NME9: variants seen among roughly 807,000 people sequenced by gnomAD.
NME9 encodes the protein thioredoxin domain-containing protein 6.
In NME9, 48 loss-of-function variants were observed where a neutral mutation model predicts 44.4. That is an observed-to-expected ratio of 1.08 (90% confidence interval 0.86 to 1.37). NME9 has a LOEUF of 1.37. NME9 is among the 40% of genes most tolerant of loss of function. The pLI is 0.00. For synonymous variants in NME9, 139 were observed against 147.1 expected (o/e 0.94, Z 0.40); for missense variants, 325 against 405.2 (o/e 0.80, Z 1.70).
At chr3:138,295,893 T>C in intron 8 of NME9, 1 of 1,613,650 alleles carries the variant, frequency 6.2e-7, no homozygotes, top group Non-Finnish European at 8.5e-7. Flanking sequence ...CCTGGCATGA[T>C]GGGAGTGCCC....
At chr3:138,327,054 G>T (rs2053840594) in intron 1 of NME9, 1 of 150,064 alleles carries the variant, frequency 6.7e-6, no homozygotes, top group South Asian at 2.1e-4. Context: ...TACTCGGGAG[G>T]CTGAGACATG....
At chr3:138,273,232 C>G (rs948342693) in intron 8 of NME9, 25 of 1,115,244 alleles carry the variant, frequency 2.2e-5, no homozygotes, top group Non-Finnish European at 3.0e-5. Flanking sequence ...CAAATGCTGC[C>G]CCCTTCCAAA....
chr3:138,284,389 CT>C (rs763205943), intron 8 of NME9: 2 of 1,507,706 alleles, frequency 1.3e-6, no homozygotes, highest in Non-Finnish European at 1.8e-6. Context: ...GACTCTGGGA[CT>C]TCAGAGCTTT....
At chr3:138,273,304 A>G (rs896886312) in intron 8 of NME9, among the ~76,000 whole-genome samples, 12 of 152,162 alleles carry the variant, frequency 7.9e-5, no homozygotes, top group Admixed American at 4.6e-4. Flanking sequence ...CTGCTTCACC[A>G]TATCACCCCC....
At chr3:138,274,966 C>T (rs1446762635) in intron 8 of NME9, among the ~76,000 whole-genome samples, 3 of 152,184 alleles carry the variant, frequency 2.0e-5, no homozygotes, top group Admixed American at 6.5e-5. Context: ...AGATAGTTTT[C>T]ATTTCTTTTC....
At chr3:138,295,928 T>A in intron 8 of NME9, 1 of 1,610,148 alleles carries the variant, frequency 6.2e-7, no homozygotes, top group East Asian at 2.2e-5. Context: ...GCATCCCACC[T>A]CCTTGTTTAA....
intron 8 of NME9, among the ~76,000 whole-genome samples, chr3:138,293,594 C>T (rs1017809560): frequency 1.3e-5 from 2 of 151,972 alleles, no homozygotes; most frequent in Non-Finnish European, 2.9e-5. Flanking sequence ...GGCTGCTGGT[C>T]AGATGAGTGT....
At chr3:138,299,128 C>T (rs1376089556), downstream of NME9, among the ~76,000 whole-genome samples, 1 of 152,154 alleles carries the variant, frequency 6.6e-6, no homozygotes, top group Non-Finnish European at 1.5e-5. Context: ...GTGCTGTCCC[C>T]ATCCTGCCCC....
At chr3:138,267,841 T>C (rs1157537048) in intron 8 of NME9, among the ~76,000 whole-genome samples, 1 of 152,250 alleles carries the variant, frequency 6.6e-6, no homozygotes, top group African/African-American at 2.4e-5. Flanking sequence ...TGCCCAATTA[T>C]GAACTCAGGT....
rs147542980 is a variant in NME9, at chr3:138,314,279, T to C, written c.460+53A>G. 1,578 of 1,071,478 alleles carry C rather than the reference T, an allele frequency of 1.5e-3. 45 individuals carry two copies. The Admixed American group carries it at 0.033, about 22-fold the overall frequency. 66.4% of individuals were successfully genotyped at this position (1,071,478 alleles called of 1,614,324 possible). On this transcript the variant is annotated intron_variant, in intron 6 of 10. Transcript: ENST00000333911. ...AATACTCATCTATTTTAAACATATA[T>C]AAAATCTGAGTCTGCTTTGCTTTTT... is the stretch of plus-strand genomic sequence containing the variant.
Position 138,306,157 on chromosome 3 carries a change from T to A in NME9, c.544-61A>T, listed in dbSNP as rs578048196. 60 of 1,230,778 alleles carry A rather than the reference T, an allele frequency of 4.9e-5. No individual in the cohort carries two copies. In the South Asian group the frequency reaches 7.0e-4, roughly 14 times the overall value. 76.2% of individuals were successfully genotyped at this position (1,230,778 alleles called of 1,614,324 possible). A position where few individuals can be genotyped will look rare whatever the true frequency, so the allele number is the denominator to read the frequency against. ...TCAAGCCCAAATTCACATTGATTAA[T>A]TAATTTAGTTGAAAGGTAAAAAATA... On this transcript the variant is annotated intron_variant, in intron 7 of 10. Transcript: ENST00000333911.
At chr3:138,271,798 C>CTTTTTTTTTTTTTTTTTTTTTTTTTTTTT (rs776320900) in intron 8 of NME9, among the ~76,000 whole-genome samples, 5 of 136,132 alleles carry the variant, frequency 3.7e-5, no homozygotes, top group African/African-American at 1.4e-4. Context: ...TTTTTTCTTT[C>CTTTTTTTTTTTTTTTTTTTTTTTTTTTTT]TTTTTTTTTT....
At chr3:138,282,003 G>A (rs941255969) in intron 8 of NME9, among the ~76,000 whole-genome samples, 1 of 152,184 alleles carries the variant, frequency 6.6e-6, no homozygotes, top group South Asian at 2.1e-4. Flanking sequence ...AAATGGTGGA[G>A]AGATGGAGAA....
At chr3:138,277,379 C>A (rs545472115) in intron 8 of NME9, among the ~76,000 whole-genome samples, 1 of 152,272 alleles carries the variant, frequency 6.6e-6, no homozygotes, top group South Asian at 2.1e-4. Flanking sequence ...TTAAAACATT[C>A]AGAAAAGAAG....
Position 138,324,895 on chromosome 3 carries a change from C to T in NME9, c.69G>A (p.Met23Ile). ...NISTQELWEE[M>I]LSSKGLTVVD... ...TACCAGTTAGTCCTTTGGAACTGAG[C>T]ATTTCCTCCCAAAGCTCTTGGGTGC... is the stretch of plus-strand genomic sequence containing the variant. The change falls in exon 2 of 11, where the codon ATG (methionine) becomes ATA (isoleucine). Residue 23 changes from methionine to isoleucine, a missense_variant. By Grantham distance (10) the Met-to-Ile change is conservative (BLOSUM62 1). Coordinates refer to ENST00000333911, the MANE Select transcript of NME9 (RefSeq NM_001349018.2). 1 of 1,613,668 alleles carries T rather than the reference C, an allele frequency of 6.2e-7. No homozygotes were observed. The highest frequency in any genetic ancestry group is 8.5e-7 in the Non-Finnish European group (1 of 1,179,598).
rs1426827580 is a variant in NME9, at chr3:138,301,689, G to A, written c.944C>T (p.Ala315Val). The A allele has an allele frequency of 6.5e-7, 1 of 1,535,932 alleles. No homozygotes were observed. Among genetic ancestry groups the A allele is most frequent in the African/African-American group, 1.4e-5 (1 of 73,042 alleles). Residue 315 changes from alanine to valine, a missense_variant, in exon 11 of 11, where the codon GCA becomes GTA. By Grantham distance (64) the Ala-to-Val change is moderately conservative. Coordinates refer to ENST00000333911, the MANE Select transcript of NME9 (RefSeq NM_001349018.2). Reference protein sequence around the residue: ...TEAPQGGEAEATAGPTEALCF... With the variant: ...TEAPQGGEAEVTAGPTEALCF... ...AAGCGCCTCAGTGGGCCCCGCTGTT[G>A]CTTCAGCCTCACCGCCTGTGGGATG...
rs2054013386 is a variant in NME9, at chr3:138,329,827, G to A, written c.-492C>T. ...CCCGGAGTCACCAACCGAGTCTGCC[G>A]CGACCTAGCCGCGGTCGTCATGGCA... On this transcript the variant is annotated 5_prime_UTR_variant, in exon 1 of 11. Transcript: ENST00000333911. 8.1e-6 allele frequency: 8 copies of A among 986,278 alleles called. No individual in the cohort carries two copies. Among genetic ancestry groups the A allele is most frequent in the Non-Finnish European group, 9.6e-6 (8 of 830,512 alleles). 61.1% of individuals were successfully genotyped at this position (986,278 alleles called of 1,614,324 possible). A position where few individuals can be genotyped will look rare whatever the true frequency, so the allele number is the denominator to read the frequency against.
intron 8 of NME9, among the ~76,000 whole-genome samples, chr3:138,273,859 C>T (rs2049011886): frequency 1.3e-5 from 2 of 151,914 alleles, no homozygotes; most frequent in Non-Finnish European, 2.9e-5. Flanking sequence ...CTCTTTCCCC[C>T]AGGCTGGAGT....
At chr3:138,297,970 CTG>C (rs370777693), downstream of NME9, 16 of 152,342 alleles carry the variant, frequency 1.1e-4, no homozygotes, top group African/African-American at 3.4e-4. Context: ...CACTTAAACT[CTG>C]TGGATAAATT....
Sources: allele counts gnomAD v4.1 joint callset (sites outside exome capture counted in the v4.1 genomes callset), GRCh38; gene constraint gnomAD v4.1.1; transcripts MANE v1.5; gene names NCBI Gene and HGNC (gene_info 2026-07-23, HGNC 2026-07-21).